DENND4A: variants seen among roughly 807,000 people sequenced by gnomAD.
DENND4A encodes the protein C-myc promoter-binding protein.
A neutral mutation model predicts 199.3 loss-of-function variants in DENND4A; 70 were observed. That is an observed-to-expected ratio of 0.35 (90% CI 0.29 to 0.43). DENND4A has a LOEUF of 0.43. Ranked by LOEUF, DENND4A falls within the 20% of genes least tolerant of loss-of-function variation. DENND4A has a pLI of 1.00. For missense variants in DENND4A, 1,723 were observed against 2,255.8 expected, an observed-to-expected ratio of 0.76 and a Z score of 4.78; for synonymous variants, 686 against 766.9, an observed-to-expected ratio of 0.89 and a Z score of 1.74.
At chr15:65,744,840 A>T (rs1013140239) in intron 4 of DENND4A, among the ~76,000 whole-genome samples, 2 of 152,218 alleles carry the variant, frequency 1.3e-5, no homozygotes, top group Non-Finnish European at 2.9e-5. Flanking sequence ...ATTTCTGAAT[A>T]AAAAATGCAT....
At chr15:65,712,363 T>C (rs953405499) in intron 14 of DENND4A, among the ~76,000 whole-genome samples, 11 of 152,286 alleles carry the variant, frequency 7.2e-5, no homozygotes, top group Non-Finnish European at 1.5e-4. Flanking sequence ...TAAAACCCAG[T>C]TAAAGGCAAA....
intron 11 of DENND4A, among the ~76,000 whole-genome samples, chr15:65,725,856 G>C (rs969859916): frequency 2.0e-5 from 3 of 152,054 alleles, no homozygotes; most frequent in Admixed American, 6.6e-5. Flanking sequence ...ACTTAAGACA[G>C]GGAAGGGGAA....
At chr15:65,756,077 C>T (rs1232077654) in intron 3 of DENND4A, 63 bp downstream of exon 3, 2 of 1,378,096 alleles carry the variant, frequency 1.5e-6, no homozygotes, top group Non-Finnish European at 9.8e-7. Flanking sequence ...AACAGTTAAT[C>T]TCCAAATCTA....
chr15:65,725,047 T>C (rs968988097), intron 11 of DENND4A, among the ~76,000 whole-genome samples: 2 of 152,184 alleles, frequency 1.3e-5, no homozygotes, highest in Non-Finnish European at 2.9e-5. Flanking sequence ...ACTGCTATAA[T>C]TTCTGCCTCT....
At chr15:65,761,989 A>C (rs1387789547) in intron 1 of DENND4A, among the ~76,000 whole-genome samples, 4 of 152,126 alleles carry the variant, frequency 2.6e-5, no homozygotes, top group Non-Finnish European at 2.9e-5. Context: ...TGGATTGAAA[A>C]GATGTTTTTT....
intron 1 of DENND4A, among the ~76,000 whole-genome samples, chr15:65,779,231 G>A (rs1312967046): frequency 6.6e-6 from 1 of 152,064 alleles, no homozygotes; most frequent in Non-Finnish European, 1.5e-5. Flanking sequence ...CGAGGCGCGT[G>A]GATCGTCTGG....
At chr15:65,755,705 G>A (rs930223559) in intron 3 of DENND4A, among the ~76,000 whole-genome samples, 1 of 152,170 alleles carries the variant, frequency 6.6e-6, no homozygotes, top group African/African-American at 2.4e-5. Context: ...GTTTGAGGCT[G>A]TAGTGAGCTA....
intron 20 of DENND4A, among the ~76,000 whole-genome samples, chr15:65,698,198 G>A (rs188962801): frequency 1.3e-5 from 2 of 152,316 alleles, no homozygotes; most frequent in East Asian, 3.9e-4. Flanking sequence ...GAGCTCAGGA[G>A]TTCAAGGCTG....
At chr15:65,697,821 C>CA (rs2077199397) in intron 20 of DENND4A, among the ~76,000 whole-genome samples, 1 of 152,032 alleles carries the variant, frequency 6.6e-6, no homozygotes, top group Non-Finnish European at 1.5e-5. Context: ...AATGATTTTA[C>CA]AAAAAAATTG....
chr15:65,756,469 A>T lies in DENND4A; in HGVS notation c.-19T>A. The T allele has an allele frequency of 6.3e-7, 1 of 1,577,682 alleles. No individual in the cohort carries two copies. The highest frequency in any genetic ancestry group is 8.6e-7 in the Non-Finnish European group (1 of 1,165,654). On this transcript the variant is annotated 5_prime_UTR_variant, in exon 3 of 33. The change abolishes the stop of an existing upstream ORF in the 5' untranslated region. Transcript: ENST00000443035. ...CAATCATCTTCCATTACAGAAGGTT[A>T]CATCTAAAAGGAAAGTAAAAGACTA...
At position 65,691,458 on chromosome 15, in the gene DENND4A, G is replaced by A. The variant is rs903224569; in HGVS notation, c.3136C>T (p.Arg1046Ter). 3.7e-6 allele frequency: 6 copies of A among 1,612,334 alleles called. No individual in the cohort carries two copies. Among genetic ancestry groups the A allele is most frequent in the Non-Finnish European group, 5.1e-6 (6 of 1,179,176 alleles). The change falls in exon 23 of 33, where the codon CGA becomes TGA. Residue 1046 changes from arginine (R) to a stop codon, truncating the protein, a stop_gained. Transcript: ENST00000443035. LOFTEE classifies it high-confidence loss of function. The stretch of plus-strand genomic sequence containing the variant: ...CTGAAGCATCTACTTTGAATGTTTC[G>A]TGTTTCATTTGTATCTTCAAGAGAT... ...ISSLEDTNETRNIQSRCFRKR... is the reference protein window; with the variant it reads ...ISSLEDTNET
chr15:65,776,452 A>G (rs1415468817), intron 1 of DENND4A, among the ~76,000 whole-genome samples: 1 of 152,230 alleles, frequency 6.6e-6, no homozygotes, highest in African/African-American at 2.4e-5. Context: ...TAAGTTTCCT[A>G]CTATATATAA....
Position 65,778,478 on chromosome 15 carries a change from C to T in DENND4A, c.-102+13532G>A, listed in dbSNP as rs1009545688. ...AAAAAAAAAAAAAAAAAAGCGTTCCCCAGTACCACAGTCATTACAGCTATA... is the reference window on the plus strand; with the variant it reads ...AAAAAAAAAAAAAAAAAAGCGTTCCTCAGTACCACAGTCATTACAGCTATA... On this transcript the variant is annotated intron_variant, in intron 1 of 32. Coordinates refer to ENST00000443035, the MANE Select transcript of DENND4A (RefSeq NM_001320835.1). Among the ~76,000 whole-genome samples the T allele has an allele frequency of 3.3e-5, 5 of 151,492 alleles. No individual in the cohort carries two copies. In the East Asian group the frequency reaches 5.8e-4, roughly 18 times the overall value.
At chr15:65,692,411 T>C (rs2077003851) in intron 22 of DENND4A, among the ~76,000 whole-genome samples, 2 of 152,212 alleles carry the variant, frequency 1.3e-5, no homozygotes, top group African/African-American at 4.8e-5. Flanking sequence ...TTGTTCTTAC[T>C]ATATGTGGGA....
At chr15:65,759,747 T>C (rs937122623) in intron 2 of DENND4A, among the ~76,000 whole-genome samples, 2 of 152,206 alleles carry the variant, frequency 1.3e-5, no homozygotes, top group African/African-American at 2.4e-5. Context: ...TTTTACCCAA[T>C]TGACCATCTA....
chr15:65,771,356 C>T, intron 1 of DENND4A: 1 of 1,590,962 alleles, frequency 6.3e-7, no homozygotes, highest in Non-Finnish European at 8.6e-7. Context: ...TTCCTCCACA[C>T]TCTTTTCTGC....
chr15:65,700,637 T>C lies in DENND4A; in HGVS notation c.2740A>G (p.Met914Val). ...SDLDAVSHGSMDSGHGTHTVE... is the reference protein window; with the variant it reads ...SDLDAVSHGSVDSGHGTHTVE... ...GTGTGTGTCCCATGACCACTATCCA[T>C]GCTGCCATGACTAACAGCATCCAGG... The change falls in exon 20 of 33, where the codon ATG becomes GTG. Residue 914 changes from methionine to valine, a missense_variant. Transcript: ENST00000443035. The C allele has an allele frequency of 6.5e-7, 1 of 1,546,740 alleles. No homozygotes were observed. The highest frequency in any genetic ancestry group is 8.7e-7 in the Non-Finnish European group (1 of 1,145,256).
At chr15:65,771,687 C>T (rs1234255036) in intron 1 of DENND4A, 2 of 1,610,684 alleles carry the variant, frequency 1.2e-6, no homozygotes, top group Admixed American at 1.7e-5. Flanking sequence ...GAAGGAAATC[C>T]ACCCCCAAAA....
chr15:65,737,508 C>T (rs1294524829), intron 7 of DENND4A, among the ~76,000 whole-genome samples, 199 bp downstream of exon 7: 1 of 152,084 alleles, frequency 6.6e-6, no homozygotes, highest in African/African-American at 2.4e-5. Flanking sequence ...TTAATTTCAT[C>T]TCACTGGAGA....
Sources: allele counts gnomAD v4.1 joint callset (sites outside exome capture counted in the v4.1 genomes callset), GRCh38; gene constraint gnomAD v4.1.1; transcripts MANE v1.5; gene names NCBI Gene and HGNC (gene_info 2026-07-23, HGNC 2026-07-21).